Variants in TENM3 observed in about 807,000 individuals in gnomAD.
TENM3 encodes the protein teneurin transmembrane protein 3, also known as teneurin-3.
TENM3 carries 63 observed loss-of-function variants against 255.1 expected under a neutral mutation model. The observed-to-expected ratio is 0.25, with a 90% CI of 0.20 to 0.30. The LOEUF (loss-of-function observed/expected upper bound fraction) is 0.30, where lower values mean the gene tolerates loss of function less well. TENM3 is among the 10% of genes least tolerant of loss of function. TENM3 has a pLI of 1.00. For missense variants in TENM3, 2,929 were observed against 3,461.1 expected, an observed-to-expected ratio of 0.85 and a Z score of 3.86; for synonymous variants, 1,306 against 1,322.3, an observed-to-expected ratio of 0.99 and a Z score of 0.27.
At chr4:182,050,002 T>TG in the TENM3 span, among the ~76,000 whole-genome samples, 1 of 29,986 alleles carries the variant, frequency 3.3e-5, no homozygotes, top group Non-Finnish European at 2.0e-4. Flanking sequence ...TAAAAAAAAA[T>TG]TTTTTTTTGA....
intron 3 of TENM3, among the ~76,000 whole-genome samples, chr4:182,483,778 A>G (rs1219118864): frequency 6.6e-6 from 1 of 152,054 alleles, no homozygotes; most frequent in Non-Finnish European, 1.5e-5. Context: ...GCCTCAAGAG[A>G]CTTAGAATCA....
the TENM3 span, among the ~76,000 whole-genome samples, chr4:181,970,505 T>C: frequency 1.3e-5 from 2 of 152,254 alleles, no homozygotes; most frequent in Non-Finnish European, 2.9e-5. Context: ...GTCTGAAAGA[T>C]AATGCATCTG....
At chr4:182,103,968 T>G in the TENM3 span, among the ~76,000 whole-genome samples, 3 of 152,234 alleles carry the variant, frequency 2.0e-5, no homozygotes, top group African/African-American at 7.2e-5. Flanking sequence ...GGTGTCTTAA[T>G]GTAAATCACA....
chr4:182,800,226 C>T lies in TENM3; in HGVS notation c.7975C>T (p.Leu2659=). Residue 2659 remains leucine (L), a synonymous_variant, in exon 28 of 28, where the codon CTG becomes TTG. Transcript: ENST00000511685. The part of the protein sequence containing the change: ...LWTEGEKRQL[L]SAGKVQGYDG... ...GACGGAGGGCGAGAAGCGGCAGCTG[C>T]TGAGCGCCGGCAAGGTGCAGGGCTA... 6.3e-7 allele frequency: 1 copy of T among 1,592,520 alleles called. No homozygotes were observed. Among genetic ancestry groups the T allele is most frequent in the Non-Finnish European group, 8.5e-7 (1 of 1,177,644 alleles).
In TENM3 at chr4:182,250,922, T is replaced by G. The variant is rs1757970287; in HGVS notation, c.-76+7446T>G. ...TTATTTAATGGTGCGGCATTTCAGA[T>G]GGATAAGAATTTGTTATGCAAACAA... On this transcript the variant is annotated intron_variant, in intron 1 of 27. Transcript: ENST00000511685. Among the ~76,000 whole-genome samples, 3 of 152,228 alleles carry G rather than the reference T, an allele frequency of 2.0e-5. No homozygotes were observed. In the South Asian group the frequency reaches 6.2e-4, roughly 31 times the overall value.
chr4:181,453,619 C>T, the TENM3 span, among the ~76,000 whole-genome samples: 1 of 152,104 alleles, frequency 6.6e-6, no homozygotes, highest in Non-Finnish European at 1.5e-5. Context: ...GTAGTTCCCC[C>T]TGCCCACCCA....
chr4:182,013,953 TAC>T, the TENM3 span, among the ~76,000 whole-genome samples: 6 of 139,052 alleles, frequency 4.3e-5, no homozygotes, highest in East Asian at 2.2e-4. Context: ...TATACGTATA[TAC>T]ACACATATAT....
chr4:182,135,825 C>A, the TENM3 span, among the ~76,000 whole-genome samples: 1 of 152,214 alleles, frequency 6.6e-6, no homozygotes, highest in Non-Finnish European at 1.5e-5. Context: ...TCTCTGCTTA[C>A]ATATCCTTAG....
chr4:182,094,180 A>G, the TENM3 span, among the ~76,000 whole-genome samples: 1 of 152,072 alleles, frequency 6.6e-6, no homozygotes, highest in Non-Finnish European at 1.5e-5. Flanking sequence ...CATGAACACT[A>G]CAGAGGAGCA....
At chr4:182,737,169 CA>C in intron 17 of TENM3, 94 bp downstream of exon 17, 1 of 1,305,792 alleles carries the variant, frequency 7.7e-7, no homozygotes, top group South Asian at 1.4e-5. Flanking sequence ...AGTGGATAAA[CA>C]GAATATAAAG....
chr4:182,263,961 G>A (rs1759057295), intron 1 of TENM3, among the ~76,000 whole-genome samples: 1 of 152,104 alleles, frequency 6.6e-6, no homozygotes, highest in African/African-American at 2.4e-5. Context: ...TTTATGATGC[G>A]GCTTGGCCCC....
At chr4:182,533,922 T>C (rs1054216202) in intron 3 of TENM3, among the ~76,000 whole-genome samples, 1 of 151,954 alleles carries the variant, frequency 6.6e-6, no homozygotes, top group Non-Finnish European at 1.5e-5. Flanking sequence ...AAAAAAAAGA[T>C]TGTCTTTTCA....
the TENM3 span, among the ~76,000 whole-genome samples, chr4:181,648,072 G>T: frequency 6.6e-6 from 1 of 152,128 alleles, no homozygotes; most frequent in Non-Finnish European, 1.5e-5. Flanking sequence ...CTGTAGTCCC[G>T]TGTTGCACAT....
intron 3 of TENM3, among the ~76,000 whole-genome samples, chr4:182,355,813 G>C (rs564390450): frequency 6.6e-6 from 1 of 151,800 alleles, no homozygotes; most frequent in African/African-American, 2.4e-5. Flanking sequence ...AAAGTATTTT[G>C]TCTATGGTAA....
the TENM3 span, among the ~76,000 whole-genome samples, chr4:181,642,051 T>C: frequency 6.6e-6 from 1 of 151,622 alleles, no homozygotes; most frequent in Non-Finnish European, 1.5e-5. Flanking sequence ...GGCCACACTG[T>C]TTTTCACAAT....
chr4:182,603,487 C>T (rs1581073720), intron 4 of TENM3, among the ~76,000 whole-genome samples: 1 of 152,050 alleles, frequency 6.6e-6, no homozygotes, highest in African/African-American at 2.4e-5. Context: ...GATATTTCAA[C>T]TTGCAGTACT....
chr4:181,562,508 A>G, the TENM3 span, among the ~76,000 whole-genome samples: 658 of 152,276 alleles, frequency 4.3e-3, 7 homozygotes, highest in South Asian at 0.045. Context: ...GCAATTTGGT[A>G]TATGTAGTCT....
intron 1 of TENM3, among the ~76,000 whole-genome samples, chr4:182,158,093 G>T (rs1750836768): frequency 6.6e-6 from 1 of 152,170 alleles, no homozygotes; most frequent in African/African-American, 2.4e-5. Flanking sequence ...AGACACATGG[G>T]GAGTGGTGAG....
intron 1 of TENM3, among the ~76,000 whole-genome samples, chr4:182,165,622 C>T (rs1751652733): frequency 6.6e-6 from 1 of 152,186 alleles, no homozygotes; most frequent in Non-Finnish European, 1.5e-5. Flanking sequence ...CCATCAGGAA[C>T]TCTGGGACTT....
Sources: allele counts gnomAD v4.1 joint callset (sites outside exome capture counted in the v4.1 genomes callset), GRCh38; gene constraint gnomAD v4.1.1; transcripts MANE v1.5; gene names NCBI Gene and HGNC (gene_info 2026-07-23, HGNC 2026-07-21).